The following TNNI3K variants were observed in gnomAD, a reference collection of about 807,000 sequenced individuals.
TNNI3K encodes the protein serine/threonine-protein kinase TNNI3K.
In TNNI3K, 140 loss-of-function variants were observed where a neutral mutation model predicts 114.5. That is an observed-to-expected ratio of 1.22 (90% CI 1.07 to 1.41). The LOEUF (loss-of-function observed/expected upper bound fraction) is 1.41, where lower values mean the gene tolerates loss of function less well. TNNI3K is among the 40% of genes most tolerant of loss of function. The pLI, the probability that TNNI3K is intolerant of heterozygous loss-of-function variation, is 0.00. For synonymous variants in TNNI3K, 347 were observed against 347.5 expected, an observed-to-expected ratio of 1.00 and a Z score of 0.02; for missense variants, 1,125 against 1,007.6, an observed-to-expected ratio of 1.12 and a Z score of -1.58.
intron 17 of TNNI3K, chr1:74,375,424 T>A: frequency 2.7e-6 from 1 of 375,750 alleles, no homozygotes; most frequent in South Asian, 1.9e-5. Context: ...TTCATAGGAC[T>A]AACAAATTAG....
chr1:74,543,431 T>C (rs1432664170), intron 24 of TNNI3K, among the ~76,000 whole-genome samples: 2 of 152,216 alleles, frequency 1.3e-5, no homozygotes, highest in Non-Finnish European at 2.9e-5. Flanking sequence ...TTCACTGGTA[T>C]CAGACAGTGC....
rs912702312 is a variant in TNNI3K at position 74,371,224 on chromosome 1, G to A, written c.1772+832G>A. ...TTTATAGAAGCTTTACAGTTCTGAA[G>A]CTAGTAAATATTGATTACTCTAGTC... On this transcript the variant is annotated intron_variant, in intron 17 of 24. Transcript: ENST00000326637. The A allele has an allele frequency of 3.3e-5, 5 of 151,906 alleles. No individual in the cohort carries two copies. In the South Asian group the frequency reaches 1.0e-3, roughly 31 times the overall value. 9.4% of individuals were successfully genotyped at this position (151,906 alleles called of 1,614,324 possible). A position where few individuals can be genotyped will look rare whatever the true frequency, so the allele number is the denominator to read the frequency against.
chr1:74,335,112 G>A (rs140303878), intron 6 of TNNI3K, among the ~76,000 whole-genome samples: 14 of 152,244 alleles, frequency 9.2e-5, no homozygotes, highest in African/African-American at 3.1e-4. Context: ...AACAAATACT[G>A]TATGTCAGTC....
At chr1:74,421,346 G>A (rs567604773) in intron 17 of TNNI3K, among the ~76,000 whole-genome samples, 2 of 152,238 alleles carry the variant, frequency 1.3e-5, no homozygotes, top group Admixed American at 1.3e-4. Context: ...ACACATAAGT[G>A]ATGAATGATT....
chr1:74,505,580 C>A (rs1441976315), intron 23 of TNNI3K, among the ~76,000 whole-genome samples: 1 of 152,154 alleles, frequency 6.6e-6, no homozygotes, highest in Non-Finnish European at 1.5e-5. Context: ...CCTTTAACAT[C>A]TTCCATGTGG....
Position 74,478,477 on chromosome 1 carries a change from A to G in TNNI3K, c.2122-10712A>G, listed in dbSNP as rs534074286. ...TACATATTTCTGAAAACAGATGTAA[A>G]AGTAACTAAAAGATACTAAAAATTG... On this transcript the variant is annotated intron_variant, in intron 21 of 24. Transcript: ENST00000326637. Among the ~76,000 whole-genome samples the G allele has an allele frequency of 5.3e-5, 8 of 152,302 alleles. No homozygotes were observed. In the East Asian group the frequency reaches 1.3e-3, roughly 26 times the overall value.
chr1:74,372,550 C>A (rs1172113340), intron 17 of TNNI3K: 1 of 151,706 alleles, frequency 6.6e-6, no homozygotes, highest in African/African-American at 2.4e-5. Context: ...AATTTCAAAC[C>A]AAACATTTAC....
chr1:74,451,951 T>G (rs1361629809), intron 20 of TNNI3K, among the ~76,000 whole-genome samples: 1 of 151,912 alleles, frequency 6.6e-6, no homozygotes, highest in Non-Finnish European at 1.5e-5. Context: ...TCTTGGTTTA[T>G]TTTTGTTTTC....
At chr1:74,477,464 T>C (rs1668261831) in intron 21 of TNNI3K, among the ~76,000 whole-genome samples, 1 of 152,160 alleles carries the variant, frequency 6.6e-6, no homozygotes, top group African/African-American at 2.4e-5. Context: ...AAGACTCACC[T>C]GTCAGGAACA....
intron 4 of TNNI3K, among the ~76,000 whole-genome samples, chr1:74,267,706 G>T (rs578088315): frequency 6.6e-6 from 1 of 151,884 alleles, no homozygotes; most frequent in South Asian, 2.1e-4. Context: ...TTTTATTTTG[G>T]CAGTATTCAG....
chr1:74,466,523 G>C (rs908918970), intron 21 of TNNI3K, among the ~76,000 whole-genome samples: 1 of 152,202 alleles, frequency 6.6e-6, no homozygotes, highest in African/African-American at 2.4e-5. Flanking sequence ...GTACTGTTAA[G>C]AAGTGAAGTT....
intron 23 of TNNI3K, among the ~76,000 whole-genome samples, chr1:74,511,547 T>A (rs1670225443): frequency 6.6e-6 from 1 of 152,194 alleles, no homozygotes; most frequent in South Asian, 2.1e-4. Flanking sequence ...ACTGATCTAA[T>A]TCCATTGGAT....
intron 17 of TNNI3K, among the ~76,000 whole-genome samples, chr1:74,417,261 T>G (rs754188541): frequency 9.9e-5 from 15 of 152,144 alleles, no homozygotes; most frequent in Non-Finnish European, 2.1e-4. Context: ...AGGAGCAGAA[T>G]TGACTGCCGT....
intron 5 of TNNI3K, among the ~76,000 whole-genome samples, chr1:74,317,787 G>A (rs977013160): frequency 2.6e-5 from 4 of 152,164 alleles, no homozygotes; most frequent in Non-Finnish European, 4.4e-5. Flanking sequence ...CTGGACCTGT[G>A]TCAGCCCTGG....
At chr1:74,486,861 G>A (rs531559662) in intron 21 of TNNI3K, among the ~76,000 whole-genome samples, 8 of 152,198 alleles carry the variant, frequency 5.3e-5, no homozygotes, top group African/African-American at 1.7e-4. Context: ...ATGTTTCAGG[G>A]ACAAAGGAAT....
chr1:74,412,183 T>C (rs1181224224), intron 17 of TNNI3K, among the ~76,000 whole-genome samples: 1 of 152,134 alleles, frequency 6.6e-6, no homozygotes, highest in African/African-American at 2.4e-5. Flanking sequence ...TCACATCTAA[T>C]TAAATCTCTG....
intron 4 of TNNI3K, 53 bp downstream of exon 4, chr1:74,250,822 A>G: frequency 9.0e-7 from 1 of 1,108,852 alleles, no homozygotes; most frequent in Non-Finnish European, 1.2e-6. Flanking sequence ...GATAGTGTGT[A>G]TCTTTAGGCT....
At chr1:74,283,478 C>CT (rs1306930444) in intron 5 of TNNI3K, among the ~76,000 whole-genome samples, 2 of 152,144 alleles carry the variant, frequency 1.3e-5, no homozygotes, top group Non-Finnish European at 2.9e-5. Context: ...GGCATAGACT[C>CT]TGTTAGCTTT....
chr1:74,381,593 G>A (rs917936251), intron 17 of TNNI3K, among the ~76,000 whole-genome samples: 3 of 152,054 alleles, frequency 2.0e-5, no homozygotes, highest in Non-Finnish European at 4.4e-5. Context: ...TTGTTTTACT[G>A]TAGATCTCTT....
Sources: gnomAD v4.1 joint callset for allele counts (sites outside exome capture counted in the v4.1 genomes callset) on GRCh38, gnomAD v4.1.1 for gene constraint, MANE v1.5 for transcripts, NCBI Gene and HGNC (gene_info 2026-07-23, HGNC 2026-07-21) for gene names.